The following WASHC5 variants were observed in gnomAD, a reference collection of about 807,000 sequenced individuals.
WASHC5 encodes WASH complex subunit strumpellin.
Under a neutral mutation model 150.4 loss-of-function variants are expected in WASHC5, and 101 were observed. That is an observed-to-expected ratio of 0.67 (90% CI 0.57 to 0.79). The LOEUF (loss-of-function observed/expected upper bound fraction) is 0.79, where lower values mean the gene tolerates loss of function less well. WASHC5 is among the 30% of genes least tolerant of loss of function. The pLI is 0.00. For synonymous variants in WASHC5, 467 were observed against 491.2 expected (o/e 0.95, Z 0.65); for missense variants, 1,195 against 1,396.3 (o/e 0.86, Z 2.30).
chr8:125,050,104 TATG>T (rs2130052983), intron 18 of WASHC5, among the ~76,000 whole-genome samples: 1 of 152,278 alleles, frequency 6.6e-6, no homozygotes, highest in African/African-American at 2.4e-5. Flanking sequence ...TTGAATTTAC[TATG>T]ATAATAAAGA....
chr8:125,083,373 A>G (rs557704523), intron 2 of WASHC5, 115 bp from the exon 3 acceptor site: 1 of 933,780 alleles, frequency 1.1e-6, no homozygotes, highest in East Asian at 2.6e-5. Context: ...AACTTAAAGC[A>G]GAGCAACAGA....
intron 26 of WASHC5, chr8:125,032,795 A>C (rs1190752050): frequency 4.2e-6 from 1 of 237,940 alleles, no homozygotes; most frequent in Non-Finnish European, 8.4e-6. Flanking sequence ...AAGCTGGATA[A>C]AATACTTTTA....
intron 17 of WASHC5, among the ~76,000 whole-genome samples, chr8:125,054,403 G>T (rs16900269): frequency 0.11 from 16,615 of 152,236 alleles, 2,121 homozygotes; most frequent in African/African-American, 0.31. Context: ...ACTTGCATAT[G>T]TAGGAACAAT....
Position 125,024,371 on chromosome 8 carries a change from A to C in WASHC5, c.*246T>G, listed in dbSNP as rs968744964. 6.6e-5 allele frequency: 37 copies of C among 561,632 alleles called. No homozygotes were observed. Among genetic ancestry groups the C allele is most frequent in the South Asian group, 2.9e-4 (14 of 47,664 alleles). 34.8% of individuals were successfully genotyped at this position (561,632 alleles called of 1,614,324 possible). Reference sequence around the variant, plus strand: ...AACAGTTACATTCAGCATTTAAGAGAGGCAGTACAAAAATGTGTTCTGCTT... The same window carrying C: ...AACAGTTACATTCAGCATTTAAGAGCGGCAGTACAAAAATGTGTTCTGCTT... On this transcript the variant is annotated 3_prime_UTR_variant, in exon 29 of 29. Coordinates refer to ENST00000318410, the MANE Select transcript of WASHC5 (RefSeq NM_014846.4).
At chr8:125,046,475 C>T (rs1316012816) in intron 20 of WASHC5, among the ~76,000 whole-genome samples, 1 of 152,190 alleles carries the variant, frequency 6.6e-6, no homozygotes, top group Non-Finnish European at 1.5e-5. Flanking sequence ...GTATACAAAG[C>T]TATGCAGTCT....
chr8:125,048,832 C>T (rs1002465941), intron 19 of WASHC5, among the ~76,000 whole-genome samples, 174 bp downstream of exon 19: 7 of 152,066 alleles, frequency 4.6e-5, no homozygotes, highest in East Asian at 1.9e-4. Context: ...AGTGAGCTCC[C>T]GGAAGTTACA....
chr8:125,081,385 C>T (rs980682894), intron 5 of WASHC5, among the ~76,000 whole-genome samples: 1 of 151,798 alleles, frequency 6.6e-6, no homozygotes, highest in African/African-American at 2.4e-5. Flanking sequence ...TTACAGGCGC[C>T]CACCACCGTG....
chr8:125,026,607 T>G (rs939142582), intron 28 of WASHC5, among the ~76,000 whole-genome samples: 2 of 152,288 alleles, frequency 1.3e-5, no homozygotes, highest in Admixed American at 1.3e-4. Context: ...TAAAGGGGAC[T>G]AAGTTGCTAT....
intron 17 of WASHC5, among the ~76,000 whole-genome samples, chr8:125,054,791 C>A (rs1471071865): frequency 1.3e-5 from 2 of 150,350 alleles, no homozygotes; most frequent in East Asian, 3.9e-4. Context: ...TGCACTCTAG[C>A]CTGGATGACA....
At position 125,044,715 on chromosome 8, in the gene WASHC5, G is replaced by A; in HGVS notation, c.2505-17C>T. 6.2e-7 allele frequency: 1 copy of A among 1,613,044 alleles called. No individual in the cohort carries two copies. The highest frequency in any genetic ancestry group is 1.1e-5 in the South Asian group (1 of 91,048). ...CATGTCATTCTAAAATGAAAACAAT[G>A]CAAAAACCCCAGAATGGCTCAGAAT... On this transcript the variant is annotated splice_polypyrimidine_tract_variant and intron_variant, in intron 20 of 28. Coordinates refer to ENST00000318410, the MANE Select transcript of WASHC5 (RefSeq NM_014846.4).
intron 2 of WASHC5, 81 bp from the exon 3 acceptor site, chr8:125,083,339 G>C: frequency 7.3e-7 from 1 of 1,362,796 alleles, no homozygotes; most frequent in Non-Finnish European, 1.0e-6. Flanking sequence ...TTAAAAATTT[G>C]TTCTTATGTT....
intron 5 of WASHC5, 117 bp downstream of exon 5, chr8:125,081,544 G>C (rs781319895): frequency 1.2e-5 from 9 of 761,700 alleles, no homozygotes; most frequent in Non-Finnish European, 2.4e-6. Flanking sequence ...CGGCTGAATC[G>C]TATACTTTCT....
At chr8:125,083,090 G>A in intron 3 of WASHC5, 23 bp downstream of exon 3, 3 of 1,398,224 alleles carry the variant, frequency 2.1e-6, no homozygotes, top group Non-Finnish European at 3.0e-6. Context: ...ACCAGAATAA[G>A]CTATTCCTAA....
chr8:125,043,877 G>T lies in WASHC5; in HGVS notation c.2798C>A (p.Ala933Asp), dbSNP rs1459133980. 1 of 1,612,844 alleles carries T rather than the reference G, an allele frequency of 6.2e-7. No homozygotes were observed. The highest frequency in any genetic ancestry group is 1.3e-5 in the African/African-American group (1 of 74,886). The change falls in exon 23 of 29, where the codon GCC becomes GAC. Residue 933 changes from alanine (A) to aspartate (D), a missense_variant. Ala to Asp is a moderately radical substitution (Grantham distance 126, BLOSUM62 -2). Around this residue, in one of 3 missense-constraint regions of WASHC5, gnomAD observed 997 missense variants for 1,168.1 expected, o/e 0.85. Coordinates refer to ENST00000318410, the MANE Select transcript of WASHC5 (RefSeq NM_014846.4). ...CCAAATCTTCTGTGTTTTGGCAATG[G>T]CGGAAAAATAAATTTTATTTGAATT... ...VANSNKIYFS[A>D]IAKTQKIWTA...
chr8:125,028,373 G>A (rs1815430007), intron 28 of WASHC5, among the ~76,000 whole-genome samples: 1 of 152,166 alleles, frequency 6.6e-6, no homozygotes. Context: ...AACCAGATGA[G>A]TTGCTGACAG....
intron 21 of WASHC5, 65 bp from the exon 22 acceptor site, chr8:125,044,159 T>A: frequency 9.4e-7 from 1 of 1,066,270 alleles, no homozygotes; most frequent in Non-Finnish European, 1.4e-6. Context: ...ATTCTCCAGT[T>A]ACCTAAAATG....
chr8:125,069,181 G>A (rs1424752689), intron 9 of WASHC5, among the ~76,000 whole-genome samples: 1 of 152,152 alleles, frequency 6.6e-6, no homozygotes, highest in East Asian at 1.9e-4. Context: ...TCCAACAGTG[G>A]CTTTGCTATA....
chr8:125,070,751 G>A (rs1359714427), intron 9 of WASHC5, among the ~76,000 whole-genome samples: 3 of 152,234 alleles, frequency 2.0e-5, no homozygotes, highest in Non-Finnish European at 4.4e-5. Context: ...CATACTGTGG[G>A]TAAATTGTAA....
intron 20 of WASHC5, 52 bp from the exon 21 acceptor site, chr8:125,044,750 A>C: frequency 3.2e-6 from 5 of 1,577,666 alleles, no homozygotes; most frequent in Middle Eastern, 2.1e-4. Flanking sequence ...TTCATCCTTA[A>C]AGAGATGTTA....
Sources: allele counts gnomAD v4.1 joint callset (sites outside exome capture counted in the v4.1 genomes callset), GRCh38; gene constraint gnomAD v4.1.1; regional missense constraint gnomAD v4.1.1; transcripts MANE v1.5; gene names NCBI Gene and HGNC (gene_info 2026-07-23, HGNC 2026-07-21).